RB1: variants seen among roughly 807,000 people sequenced by gnomAD.
RB1 encodes the protein retinoblastoma-associated protein.
RB1 carries 18 observed loss-of-function variants against 135.4 expected under a neutral mutation model. The ratio of observed to expected loss-of-function variants is 0.13; its 90% CI spans 0.09 to 0.20. The LOEUF is 0.20. RB1 is among the 10% of genes least tolerant of loss of function. The pLI is 1.00. For synonymous variants in RB1, 365 were observed against 373.2 expected (o/e 0.98, Z 0.25); for missense variants, 868 against 1,110.0 (o/e 0.78, Z 3.10).
chr13:48,420,122 G>T (rs565158612), intron 17 of RB1, among the ~76,000 whole-genome samples: 22 of 152,058 alleles, frequency 1.4e-4, no homozygotes, highest in Non-Finnish European at 5.9e-5. Context: ...GATGAATATC[G>T]ACGTGAAAAC....
chr13:48,454,549 A>G lies in RB1; in HGVS notation c.1814+1438A>G, dbSNP rs137907262. Among the ~76,000 whole-genome samples, 53 of 152,336 alleles carry G rather than the reference A, an allele frequency of 3.5e-4. 1 individual carries two copies. The East Asian group carries it at 8.7e-3, about 25-fold the overall frequency. ...TAAGATGGCCTGGGTCCTTCCCCTC[A>G]TAGAGCTTACATTCTGGAGGAGGAA... On this transcript the variant is annotated intron_variant, in intron 18 of 26. Coordinates refer to ENST00000267163, the MANE Select transcript of RB1 (RefSeq NM_000321.3).
chr13:48,366,460 ATCAC>A (rs1043263632), intron 9 of RB1, among the ~76,000 whole-genome samples: 2 of 152,194 alleles, frequency 1.3e-5, no homozygotes, highest in African/African-American at 4.8e-5. Context: ...ATTTCTTCCT[ATCAC>A]TCCTTTTAAA....
chr13:48,466,154 C>T (rs1307038847), intron 23 of RB1, among the ~76,000 whole-genome samples: 1 of 143,888 alleles, frequency 6.9e-6, no homozygotes, highest in South Asian at 2.4e-4. Context: ...ACTTAAGTGT[C>T]CCTGTCTGAC....
intron 17 of RB1, among the ~76,000 whole-genome samples, chr13:48,423,446 A>G (rs965844911): frequency 6.6e-6 from 1 of 152,160 alleles, no homozygotes; most frequent in Non-Finnish European, 1.5e-5. Context: ...GATTTTTGAA[A>G]CAGGTTGCAC....
intron 9 of RB1, 98 bp from the exon 10 acceptor site, chr13:48,367,396 A>G: frequency 7.7e-7 from 1 of 1,301,572 alleles, no homozygotes; most frequent in South Asian, 1.3e-5. Flanking sequence ...AATTAAATGT[A>G]TATTATACAA....
chr13:48,380,109 A>C, intron 15 of RB1, 25 bp downstream of exon 15: 1 of 1,449,836 alleles, frequency 6.9e-7, no homozygotes, highest in South Asian at 1.4e-5. Flanking sequence ...TTTAGTAAAA[A>C]ATTTTTTTCT....
chr13:48,349,133 T>C, intron 6 of RB1, 110 bp downstream of exon 6: 1 of 1,165,970 alleles, frequency 8.6e-7, no homozygotes, highest in Non-Finnish European at 1.2e-6. Context: ...TCCTCCCTCA[T>C]TCTCTGCTTG....
intron 2 of RB1, among the ~76,000 whole-genome samples, chr13:48,340,306 C>T (rs1952431026): frequency 6.6e-6 from 1 of 152,102 alleles, no homozygotes; most frequent in African/African-American, 2.4e-5. Context: ...AAATTAAAAA[C>T]TTCTATTCCT....
intron 17 of RB1, among the ~76,000 whole-genome samples, chr13:48,433,532 A>G (rs926194979): frequency 2.6e-5 from 4 of 152,288 alleles, no homozygotes; most frequent in Admixed American, 6.5e-5. Context: ...CTGCCACTAA[A>G]TAAGTCTTAA....
At chr13:48,307,804 A>C (rs1288405619) in intron 2 of RB1, among the ~76,000 whole-genome samples, 2 of 151,520 alleles carry the variant, frequency 1.3e-5, no homozygotes, top group Non-Finnish European at 3.0e-5. Context: ...TGGAGGTTAC[A>C]GTGAGCCGAG....
chr13:48,382,329 T>A (rs1447736295), intron 17 of RB1, among the ~76,000 whole-genome samples: 1 of 152,202 alleles, frequency 6.6e-6, no homozygotes, highest in East Asian at 1.9e-4. Context: ...GTAAAAGTGT[T>A]CCTATTTCTT....
At chr13:48,365,356 G>A (rs997942222) in intron 9 of RB1, among the ~76,000 whole-genome samples, 3 of 152,078 alleles carry the variant, frequency 2.0e-5, no homozygotes, top group Non-Finnish European at 4.4e-5. Flanking sequence ...AACATTATTG[G>A]CATTACTACA....
At position 48,471,573 on chromosome 13, in the gene RB1, T is replaced by TTAA. The variant is rs71072103; in HGVS notation, c.2490-1787_2490-1786insTAA. Among the ~76,000 whole-genome samples the TTAA allele has an allele frequency of 4.5e-5, 6 of 133,990 alleles. 1 individual carries two copies. Among genetic ancestry groups the TTAA allele is most frequent in the Admixed American group, 1.5e-4 (2 of 13,304 alleles). 87.9% of individuals were successfully genotyped at this position (133,990 alleles called of 152,430 possible). ...CTTAGAGTATAATAAAAAATATAAA[T>TTAA]AAAAAAAAAAAAAAGAAAATCTATT... On this transcript the variant is annotated intron_variant, in intron 23 of 26. Transcript: ENST00000267163.
At chr13:48,318,518 G>C in intron 2 of RB1, 1 of 992,102 alleles carries the variant, frequency 1.0e-6, no homozygotes, top group South Asian at 1.6e-5. Flanking sequence ...GAGTGTCGCC[G>C]GGCCCCTTGG....
chr13:48,404,340 A>T (rs965004677), intron 17 of RB1: 1 of 152,172 alleles, frequency 6.6e-6, no homozygotes, highest in East Asian at 1.9e-4. Flanking sequence ...TAGGTTATGT[A>T]GTTCCTTACT....
At chr13:48,404,424 AAAT>A (rs1948721061) in intron 17 of RB1, among the ~76,000 whole-genome samples, 2 of 116,224 alleles carry the variant, frequency 1.7e-5, no homozygotes, top group Non-Finnish European at 3.7e-5. Flanking sequence ...GGAGGAGAGA[AAAT>A]AATAAAAAAG....
At chr13:48,416,843 A>G (rs1370261710) in intron 17 of RB1, among the ~76,000 whole-genome samples, 1 of 152,136 alleles carries the variant, frequency 6.6e-6, no homozygotes, top group East Asian at 1.9e-4. Context: ...GGTGGAGCCC[A>G]CTGTAGCCCA....
At chr13:48,355,474 T>C (rs987002533) in intron 6 of RB1, among the ~76,000 whole-genome samples, 1 of 152,130 alleles carries the variant, frequency 6.6e-6, no homozygotes, top group Admixed American at 6.6e-5. Flanking sequence ...TTGGTGGGAA[T>C]GTAAATTAGT....
At chr13:48,456,056 T>C (rs1367094724) in intron 18 of RB1, 148 bp from the exon 19 acceptor site, 1 of 1,416,018 alleles carries the variant, frequency 7.1e-7, no homozygotes, top group East Asian at 2.6e-5. Flanking sequence ...TTCCTATTAA[T>C]ATATCTTTCC....
Sources: gnomAD v4.1 joint callset for allele counts (sites outside exome capture counted in the v4.1 genomes callset) on GRCh38, gnomAD v4.1.1 for gene constraint, MANE v1.5 for transcripts, NCBI Gene and HGNC (gene_info 2026-07-23, HGNC 2026-07-21) for gene names.